The following CEMIP variants were observed in gnomAD, a reference collection of about 807,000 sequenced individuals.
CEMIP encodes cell migration inducing hyaluronidase 1.
Under a neutral mutation model 156.9 loss-of-function variants are expected in CEMIP, and 105 were observed. That is an observed-to-expected ratio of 0.67 (90% CI 0.57 to 0.79). The LOEUF (loss-of-function observed/expected upper bound fraction) is 0.79. CEMIP is among the 30% of genes least tolerant of loss of function. CEMIP has a pLI of 0.00. For missense variants in CEMIP, 1,457 were observed against 1,769.4 expected, an observed-to-expected ratio of 0.82 and a Z score of 3.17; for synonymous variants, 676 against 668.4, an observed-to-expected ratio of 1.01 and a Z score of -0.17.
At chr15:80,866,910 C>T (rs1898144910) in intron 1 of CEMIP, among the ~76,000 whole-genome samples, 1 of 152,048 alleles carries the variant, frequency 6.6e-6, no homozygotes, top group Non-Finnish European at 1.5e-5. Flanking sequence ...GCCTAGTCCT[C>T]CCCTCTCTCG....
intron 1 of CEMIP, among the ~76,000 whole-genome samples, chr15:80,872,771 C>T (rs1027880777): frequency 3.9e-5 from 6 of 152,024 alleles, no homozygotes; most frequent in Non-Finnish European, 5.9e-5. Flanking sequence ...GCCGAGCTCC[C>T]GCCACTACAC....
intron 21 of CEMIP, among the ~76,000 whole-genome samples, chr15:80,929,615 G>T (rs1470924948): frequency 2.6e-5 from 4 of 152,170 alleles, no homozygotes; most frequent in Non-Finnish European, 5.9e-5. Flanking sequence ...GCAGGTTGGG[G>T]TCTTCAACCA....
intron 10 of CEMIP, among the ~76,000 whole-genome samples, chr15:80,891,042 C>T (rs1899017688): frequency 2.0e-5 from 3 of 152,210 alleles, no homozygotes; most frequent in Admixed American, 1.3e-4. Context: ...CTCTCATAAC[C>T]TTGAATGTTC....
intron 1 of CEMIP, among the ~76,000 whole-genome samples, chr15:80,844,866 C>T (rs1897515909): frequency 6.6e-6 from 1 of 152,134 alleles, no homozygotes; most frequent in African/African-American, 2.4e-5. Context: ...AGGGCATGGC[C>T]CCAGCCCCAG....
In CEMIP at chr15:80,949,528, C is replaced by G. The variant is rs1036860738; in HGVS notation, c.*604C>G. ...TTTGAGTGGCAGGTTTGGACTTGGA[C>G]TAGATGACTCTCAAAGGCCCTTTTA... On this transcript the variant is annotated 3_prime_UTR_variant, in exon 30 of 30. Transcript: ENST00000394685. 5.8e-6 allele frequency: 1 copy of G among 170,962 alleles called. No homozygotes were observed. The highest frequency in any genetic ancestry group is 2.4e-5 in the African/African-American group (1 of 41,806). 10.6% of individuals were successfully genotyped at this position (170,962 alleles called of 1,614,324 possible).
intron 12 of CEMIP, among the ~76,000 whole-genome samples, chr15:80,905,001 A>G (rs1899734054): frequency 6.6e-6 from 1 of 152,242 alleles, no homozygotes; most frequent in African/African-American, 2.4e-5. Flanking sequence ...CTGAGTCTGC[A>G]GAATCCCAGA....
chr15:80,780,489 C>T (rs1045336622), intron 1 of CEMIP, among the ~76,000 whole-genome samples: 1 of 152,218 alleles, frequency 6.6e-6, no homozygotes, highest in Non-Finnish European at 1.5e-5. Flanking sequence ...CGCAGACACT[C>T]TCTGCGACAG....
At chr15:80,902,994 G>C (rs1283313707) in intron 12 of CEMIP, 3 of 152,204 alleles carry the variant, frequency 2.0e-5, no homozygotes, top group Non-Finnish European at 4.4e-5. Context: ...TGAGGTTCCA[G>C]GAGCTTAAAT....
At chr15:80,898,499 T>C (rs1206948836) in intron 12 of CEMIP, among the ~76,000 whole-genome samples, 1 of 152,206 alleles carries the variant, frequency 6.6e-6, no homozygotes. Flanking sequence ...CAGCAATTTA[T>C]ACCAATTCTG....
rs79390951 is a variant in CEMIP at position 80,895,943 on chromosome 15, T to C, written c.1294T>C (p.Ser432Pro). 1 of 1,614,184 alleles carries C rather than the reference T, an allele frequency of 6.2e-7. No homozygotes were observed. The highest frequency in any genetic ancestry group is 8.5e-7 in the Non-Finnish European group (1 of 1,180,020). Residue 432 changes from serine (S) to proline (P), a missense_variant, in exon 12 of 30, where the codon TCA (serine) becomes CCA (proline). Coordinates refer to ENST00000394685, the MANE Select transcript of CEMIP (RefSeq NM_001293298.2). ...TCTGAACTTGGAGGATAATGTACAG[T>C]CATGGAAACCTGGAGATACCCTGGT... is the stretch of plus-strand genomic sequence containing the variant. The part of the protein sequence containing the change: ...TILNLEDNVQ[S>P]WKPGDTLVIA...
chr15:80,787,106 A>T (rs1249576455), intron 1 of CEMIP, among the ~76,000 whole-genome samples: 17 of 152,312 alleles, frequency 1.1e-4, no homozygotes, highest in Admixed American at 9.2e-4. Context: ...GCCTCCTACA[A>T]AGCTCTCCTC....
At chr15:80,817,329 C>T (rs1439384280) in intron 1 of CEMIP, among the ~76,000 whole-genome samples, 4 of 152,024 alleles carry the variant, frequency 2.6e-5, no homozygotes, top group African/African-American at 9.7e-5. Context: ...TGGCTCACAC[C>T]TGTAGTCCCA....
At chr15:80,900,585 G>GGGGT (rs1218716074) in intron 12 of CEMIP, among the ~76,000 whole-genome samples, 40 of 74,980 alleles carry the variant, frequency 5.3e-4, no homozygotes, top group African/African-American at 5.7e-4. Context: ...CCCAGGTAGG[G>GGGGT]GTGTGTGTGT....
intron 1 of CEMIP, among the ~76,000 whole-genome samples, chr15:80,818,506 T>A (rs142226607): frequency 6.6e-6 from 1 of 152,236 alleles, no homozygotes; most frequent in Admixed American, 6.5e-5. Flanking sequence ...TCCAAAAATA[T>A]ATGAATATTT....
chr15:80,916,769 A>T (rs577129103), intron 14 of CEMIP, among the ~76,000 whole-genome samples: 1 of 132,568 alleles, frequency 7.5e-6, no homozygotes, highest in South Asian at 2.9e-4. Context: ...CACACACAGC[A>T]AGTTTGTGGC....
chr15:80,880,531 G>C (rs1012732093), intron 5 of CEMIP, among the ~76,000 whole-genome samples: 2 of 152,156 alleles, frequency 1.3e-5, no homozygotes, highest in African/African-American at 4.8e-5. Flanking sequence ...CTGCCTCCTG[G>C]TTTAAGCAAT....
rs192576970 is a variant in CEMIP at position 80,945,453 on chromosome 15, C to A, written c.3858-1512C>A. Among the ~76,000 whole-genome samples, 34 of 152,314 alleles carry A rather than the reference C, an allele frequency of 2.2e-4. 1 individual carries two copies. Among genetic ancestry groups the A allele is most frequent in the Admixed American group, 1.5e-3 (23 of 15,300 alleles). On this transcript the variant is annotated intron_variant, in intron 28 of 29. Transcript: ENST00000394685. ...CTGAAATGAAACAATGCAGAAATAT[C>A]CTCCTGAGAACAGATCCTGAATCTA...
At chr15:80,793,807 G>A (rs950029213) in intron 1 of CEMIP, among the ~76,000 whole-genome samples, 4 of 152,122 alleles carry the variant, frequency 2.6e-5, no homozygotes, top group Non-Finnish European at 5.9e-5. Context: ...CTGAGACTTG[G>A]GTGCTGTGGG....
intron 1 of CEMIP, among the ~76,000 whole-genome samples, chr15:80,845,379 A>G (rs1250000977): frequency 6.6e-6 from 1 of 152,190 alleles, no homozygotes; most frequent in East Asian, 1.9e-4. Flanking sequence ...TGCAGTGAGC[A>G]GTGATCACAC....
Sources: gnomAD v4.1 joint callset for allele counts (sites outside exome capture counted in the v4.1 genomes callset) on GRCh38, gnomAD v4.1.1 for gene constraint, MANE v1.5 for transcripts, NCBI Gene and HGNC (gene_info 2026-07-23, HGNC 2026-07-21) for gene names.